The following BBX variants were observed in gnomAD, a reference collection of about 807,000 sequenced individuals.
BBX encodes the protein HMG box transcription factor BBX.
A neutral mutation model predicts 100.2 loss-of-function variants in BBX; 30 were observed. The ratio of observed to expected loss-of-function variants is 0.30; its 90% CI spans 0.22 to 0.41. The LOEUF (loss-of-function observed/expected upper bound fraction) is 0.41, where lower values mean the gene tolerates loss of function less well. Ranked by LOEUF, BBX falls within the 10% of genes least tolerant of loss-of-function variation. The pLI is 1.00. For missense variants in BBX, 1,023 were observed against 1,129.8 expected, an observed-to-expected ratio of 0.91 and a Z score of 1.35; for synonymous variants, 376 against 388.1, an observed-to-expected ratio of 0.97 and a Z score of 0.37.
At chr3:107,805,246 A>T in intron 17 of BBX, 124 bp from the exon 18 acceptor site, 1 of 1,099,430 alleles carries the variant, frequency 9.1e-7, no homozygotes, top group Non-Finnish European at 1.3e-6. Context: ...GTTTTCATTA[A>T]ATGATGTAAG....
rs2059806433 is a variant in BBX, at chr3:107,685,651, A to G, written c.-9-24801A>G. On this transcript the variant is annotated intron_variant, in intron 3 of 17. Transcript: ENST00000325805. ...CTATCTGCTGTAAGTAATGCCTTAC[A>G]GGCATTCTCCCTGTGTCCTAGAGCA... is the stretch of plus-strand genomic sequence containing the variant. Among the ~76,000 whole-genome samples, 2 of 152,226 alleles carry G rather than the reference A, an allele frequency of 1.3e-5. 1 individual carries two copies. Among genetic ancestry groups the G allele is most frequent in the South Asian group, 4.1e-4 (2 of 4,836 alleles).
chr3:107,532,381 T>A (rs985708313), intron 2 of BBX, among the ~76,000 whole-genome samples: 1 of 152,214 alleles, frequency 6.6e-6, no homozygotes, highest in African/African-American at 2.4e-5. Context: ...GGTGCTATAA[T>A]GAAAACTTCG....
At chr3:107,550,343 G>A (rs186645429) in intron 2 of BBX, among the ~76,000 whole-genome samples, 29 of 152,196 alleles carry the variant, frequency 1.9e-4, no homozygotes, top group East Asian at 1.6e-3. Context: ...ATGAGGGATC[G>A]GTAACTTTTG....
intron 13 of BBX, among the ~76,000 whole-genome samples, chr3:107,782,036 CAG>C (rs1480838554): frequency 6.6e-6 from 1 of 152,140 alleles, no homozygotes; most frequent in African/African-American, 2.4e-5. Flanking sequence ...CCAGATTGGG[CAG>C]AGTTCTGTAT....
intron 5 of BBX, among the ~76,000 whole-genome samples, chr3:107,722,692 A>G (rs1333489285): frequency 1.3e-5 from 2 of 152,028 alleles, no homozygotes; most frequent in Non-Finnish European, 2.9e-5. Context: ...AGAACTTAAA[A>G]TATTGTTCAG....
At chr3:107,556,194 C>G (rs1380267754) in intron 2 of BBX, among the ~76,000 whole-genome samples, 1 of 152,186 alleles carries the variant, frequency 6.6e-6, no homozygotes, top group Non-Finnish European at 1.5e-5. Flanking sequence ...TCTTCCAAGA[C>G]ACTAGGACTT....
intron 2 of BBX, among the ~76,000 whole-genome samples, chr3:107,619,325 C>T (rs2055554348): frequency 6.6e-6 from 1 of 151,844 alleles, no homozygotes; most frequent in Non-Finnish European, 1.5e-5. Context: ...TTTTTTTAAC[C>T]ACTGCCAGTC....
chr3:107,810,702 G>A lies in BBX; in HGVS notation c.*5245G>A, dbSNP rs575993505. 1.1e-4 allele frequency: 17 copies of A among 152,296 alleles called. No individual in the cohort carries two copies. The highest frequency in any genetic ancestry group is 3.9e-4 in the African/African-American group (16 of 41,548). The allele number at this position is 152,296 out of a possible 1,614,324, so 9.4% of individuals were successfully genotyped here. A position where few individuals can be genotyped will look rare whatever the true frequency, so the allele number is the denominator to read the frequency against. ...GGAGCTCAGCAACTGGCTCAGCAAC[G>A]TTTTCTCCATTTCATTAGCACTAAA... On this transcript the variant is annotated 3_prime_UTR_variant, in exon 18 of 18. Coordinates refer to ENST00000325805, the MANE Select transcript of BBX (RefSeq NM_001142568.3).
chr3:107,712,832 C>CT (rs2061819617), intron 4 of BBX, among the ~76,000 whole-genome samples: 1 of 152,136 alleles, frequency 6.6e-6, no homozygotes, highest in Non-Finnish European at 1.5e-5. Flanking sequence ...CTCACAGCAC[C>CT]TAGAAGAGTG....
chr3:107,800,741 C>CT (rs1410977658), intron 16 of BBX, among the ~76,000 whole-genome samples: 1 of 152,320 alleles, frequency 6.6e-6, no homozygotes, highest in Non-Finnish European at 1.5e-5. Flanking sequence ...TTTAAGGGCT[C>CT]TTTTACAGCA....
intron 2 of BBX, chr3:107,599,610 A>G (rs944077979): frequency 5.3e-5 from 8 of 152,140 alleles, no homozygotes; most frequent in African/African-American, 1.9e-4. Flanking sequence ...AAAAATGGAA[A>G]GGTGTTGGCT....
chr3:107,593,628 A>G (rs556130980), intron 2 of BBX, among the ~76,000 whole-genome samples: 3 of 152,260 alleles, frequency 2.0e-5, no homozygotes, highest in African/African-American at 4.8e-5. Flanking sequence ...AACCAGATCT[A>G]TAGTCACAGA....
At chr3:107,726,503 T>C (rs984413368) in intron 5 of BBX, among the ~76,000 whole-genome samples, 1 of 152,036 alleles carries the variant, frequency 6.6e-6, no homozygotes, top group African/African-American at 2.4e-5. Flanking sequence ...AACATCTACA[T>C]TGAGTTTAAG....
intron 10 of BBX, among the ~76,000 whole-genome samples, chr3:107,764,024 G>C (rs1243200203): frequency 6.6e-6 from 1 of 152,122 alleles, no homozygotes; most frequent in African/African-American, 2.4e-5. Context: ...ATGGAGTCTT[G>C]CTCTGTCGCC....
At chr3:107,591,117 A>G (rs2053274169) in intron 2 of BBX, among the ~76,000 whole-genome samples, 1 of 152,236 alleles carries the variant, frequency 6.6e-6, no homozygotes, top group Non-Finnish European at 1.5e-5. Context: ...CCCCAGTCTT[A>G]AGTATAGTAT....
chr3:107,573,967 C>T (rs1204760660), intron 2 of BBX, among the ~76,000 whole-genome samples: 3 of 152,172 alleles, frequency 2.0e-5, no homozygotes, highest in Non-Finnish European at 2.9e-5. Flanking sequence ...TCGGGTGATC[C>T]ACCCGCCTCA....
intron 9 of BBX, among the ~76,000 whole-genome samples, chr3:107,753,418 G>A (rs1200346126): frequency 6.6e-6 from 1 of 152,114 alleles, no homozygotes; most frequent in East Asian, 1.9e-4. Flanking sequence ...TGCCCTTTTG[G>A]GAATCAGGCT....
chr3:107,787,505 GAGT>G (rs1454959543), intron 13 of BBX, among the ~76,000 whole-genome samples: 3 of 152,150 alleles, frequency 2.0e-5, no homozygotes, highest in African/African-American at 7.2e-5. Flanking sequence ...ACAGGTATAG[GAGT>G]AGTAGTATTA....
intron 2 of BBX, among the ~76,000 whole-genome samples, chr3:107,547,517 C>T (rs1440536114): frequency 6.6e-6 from 1 of 152,100 alleles, no homozygotes; most frequent in Admixed American, 6.6e-5. Context: ...TCAGATCTCT[C>T]ACAGATTCCC....
Sources: allele counts gnomAD v4.1 joint callset (sites outside exome capture counted in the v4.1 genomes callset), GRCh38; gene constraint gnomAD v4.1.1; transcripts MANE v1.5; gene names NCBI Gene and HGNC (gene_info 2026-07-23, HGNC 2026-07-21).